The following HIPK2 variants were observed in gnomAD, a reference collection of about 807,000 sequenced individuals.
HIPK2 encodes the protein homeodomain-interacting protein kinase 2.
HIPK2 carries 27 observed loss-of-function variants against 113.7 expected under a neutral mutation model. That is an observed-to-expected ratio of 0.24 (90% CI 0.17 to 0.33). The LOEUF (loss-of-function observed/expected upper bound fraction) is 0.33, where lower values mean the gene tolerates loss of function less well. HIPK2 is among the 10% of genes least tolerant of loss of function. The probability of loss-of-function intolerance (pLI) is 1.00; values close to 1 mark genes in which losing one functional copy is unlikely to be tolerated. For synonymous variants in HIPK2, 631 were observed against 642.2 expected, an observed-to-expected ratio of 0.98 and a Z score of 0.26; for missense variants, 1,257 against 1,588.0, an observed-to-expected ratio of 0.79 and a Z score of 3.54.
At chr7:139,763,672 C>T (rs906207328) in intron 1 of HIPK2, among the ~76,000 whole-genome samples, 1 of 152,184 alleles carries the variant, frequency 6.6e-6, no homozygotes, top group Non-Finnish European at 1.5e-5. Context: ...GATGGCTTCA[C>T]GATAAACAGT....
At position 139,674,396 on chromosome 7, in the gene HIPK2, C is replaced by G. The variant is rs561051924; in HGVS notation, c.1103+41536G>C. On this transcript the variant is annotated intron_variant, in intron 2 of 14. Transcript: ENST00000406875. ...GCCGTATGGTATTGATTAGGTAAAA[C>G]GGTGACTTAAAGGAGAGCTCGGTAG... Among the ~76,000 whole-genome samples, 17 of 152,270 alleles carry G rather than the reference C, an allele frequency of 1.1e-4. No individual in the cohort carries two copies. The South Asian group carries it at 3.3e-3, about 30-fold the overall frequency.
intron 1 of HIPK2, among the ~76,000 whole-genome samples, chr7:139,743,257 C>A (rs1796135541): frequency 6.6e-6 from 1 of 152,146 alleles, no homozygotes; most frequent in African/African-American, 2.4e-5. Flanking sequence ...GGCACAAAAG[C>A]AGAGGGGCAA....
chr7:139,624,017 A>G (rs1380920092), intron 6 of HIPK2, among the ~76,000 whole-genome samples: 2 of 143,082 alleles, frequency 1.4e-5, no homozygotes, highest in Non-Finnish European at 1.5e-5. Flanking sequence ...CCATCCACCA[A>G]CGGCTTCCTA....
chr7:139,744,489 A>C (rs1796158166), intron 1 of HIPK2, among the ~76,000 whole-genome samples: 1 of 152,236 alleles, frequency 6.6e-6, no homozygotes, highest in South Asian at 2.1e-4. Context: ...GGAATTGGAC[A>C]GTGGTGCCTG....
At chr7:139,700,896 A>T (rs1794688164) in intron 2 of HIPK2, among the ~76,000 whole-genome samples, 1 of 152,274 alleles carries the variant, frequency 6.6e-6, no homozygotes, top group Admixed American at 6.5e-5. Flanking sequence ...CTTGCAGAAT[A>T]AACTTTACGA....
At chr7:139,655,446 G>A (rs1157905943) in intron 2 of HIPK2, among the ~76,000 whole-genome samples, 2 of 152,242 alleles carry the variant, frequency 1.3e-5, no homozygotes, top group Non-Finnish European at 2.9e-5. Flanking sequence ...GCAGGTGGCT[G>A]TAGACAGAAG....
chr7:139,617,679 G>A (rs1423879923), intron 7 of HIPK2, among the ~76,000 whole-genome samples: 1 of 152,178 alleles, frequency 6.6e-6, no homozygotes, highest in Non-Finnish European at 1.5e-5. Flanking sequence ...AACGGGTTAT[G>A]AATTATTGAC....
Position 139,704,057 on chromosome 7 carries a change from C to CACA in HIPK2, c.1103+11872_1103+11874dup, listed in dbSNP as rs1473423795. 5.4e-4 allele frequency among the ~76,000 whole-genome samples: 5 copies of CACA among 9,288 alleles called. 1 individual carries two copies. The highest frequency in any genetic ancestry group is 7.3e-4 in the African/African-American group (5 of 6,872). The allele number at this position is 9,288 out of a possible 152,430, so 6.1% of individuals were successfully genotyped here. On this transcript the variant is annotated intron_variant, in intron 2 of 14. Transcript: ENST00000406875. ...ATATCCAACATACACACCCAACACA[C>CACA]ACACACCCAACACATGCACCCCCTC...
rs567307034 is a variant in HIPK2, at chr7:139,584,063, T to C, written c.2719A>G (p.Thr907Ala). 1.4e-5 allele frequency: 22 copies of C among 1,575,662 alleles called. No homozygotes were observed. In the African/African-American group the frequency reaches 1.6e-4, roughly 12 times the overall value. The part of the protein sequence containing the change: ...EEEQKHAPTS[T>A]VSKQRKNVIS... ...ACGTTTTTTCTTTGCTTGGAGACAGTGCTGAAAATGCAAAGGGAGAAGTCA... is the reference window on the plus strand; with the variant it reads ...ACGTTTTTTCTTTGCTTGGAGACAGCGCTGAAAATGCAAAGGGAGAAGTCA... Residue 907 changes from threonine to alanine, a missense_variant and splice_region_variant, in exon 13 of 15, where the codon ACT (threonine) becomes GCT (alanine). Physicochemically the swap from Thr to Ala is moderately conservative, Grantham distance 58 (BLOSUM62 0). Transcript: ENST00000406875.
chr7:139,621,041 G>C (rs1281442188), intron 6 of HIPK2, among the ~76,000 whole-genome samples: 1 of 152,150 alleles, frequency 6.6e-6, no homozygotes, highest in Non-Finnish European at 1.5e-5. Context: ...CCTAGGGGAC[G>C]GCCAAGGAAC....
chr7:139,697,404 T>A (rs1292323617), intron 2 of HIPK2, among the ~76,000 whole-genome samples: 1 of 152,178 alleles, frequency 6.6e-6, no homozygotes, highest in African/African-American at 2.4e-5. Context: ...TCTGCTTTTG[T>A]CAGGATTTAT....
rs1798056096 is a variant in HIPK2 at position 139,565,189 on chromosome 7, T to C, written c.*7738A>G. On this transcript the variant is annotated 3_prime_UTR_variant, in exon 15 of 15. Coordinates refer to ENST00000406875, the MANE Select transcript of HIPK2 (RefSeq NM_022740.5). ...GTCACAGTTTGTGTAAGATAATGTA[T>C]CTAAAACCTTCTAAAAAAAAAAAAA... 2 of 151,536 alleles carry C rather than the reference T, an allele frequency of 1.3e-5. No individual in the cohort carries two copies. Among genetic ancestry groups the C allele is most frequent in the African/African-American group, 4.9e-5 (2 of 41,188 alleles). The allele number at this position is 151,536 out of a possible 1,614,324, so 9.4% of individuals were successfully genotyped here. A position where few individuals can be genotyped will look rare whatever the true frequency, so the allele number is the denominator to read the frequency against.
chr7:139,765,336 T>C (rs1195348631), intron 1 of HIPK2, among the ~76,000 whole-genome samples: 1 of 152,210 alleles, frequency 6.6e-6, no homozygotes, highest in Non-Finnish European at 1.5e-5. Flanking sequence ...GGAATGTTTA[T>C]GCTGACAAGA....
Position 139,768,544 on chromosome 7 carries a change from GTTGTTA to G in HIPK2, c.19+9055_19+9060del, listed in dbSNP as rs1167845339. On this transcript the variant is annotated intron_variant, in intron 1 of 14. Transcript: ENST00000406875. ...CTTCTCTCCTGTGATTTTTGTTGTT[GTTGTTA>G]TTAAGTAGCTCATGGTGACAAGCTG... Among the ~76,000 whole-genome samples, 16 of 152,248 alleles carry G rather than the reference GTTGTTA, an allele frequency of 1.1e-4. No individual in the cohort carries two copies. The East Asian group carries it at 2.7e-3, about 26-fold the overall frequency.
In HIPK2 at chr7:139,717,003, T is replaced by C. The variant is rs771234997; in HGVS notation, c.32A>G (p.His11Arg). MAPVYEGMAS[H>R]VQVFSPHTLQ... ...GGTGTGAGGGGAGAAAACTTGCACA[T>C]GTGAGGCCATACCTACAAGGAAAGG... The change falls in exon 2 of 15, where the codon CAT (histidine) becomes CGT (arginine). Residue 11 changes from histidine (H) to arginine (R), a missense_variant. Coordinates refer to ENST00000406875, the MANE Select transcript of HIPK2 (RefSeq NM_022740.5). 17 of 1,609,258 alleles carry C rather than the reference T, an allele frequency of 1.1e-5. No individual in the cohort carries two copies. The highest frequency in any genetic ancestry group is 3.3e-4 in the Middle Eastern group (2 of 6,042).
At chr7:139,763,472 GCCCCC>G (rs547691856) in intron 1 of HIPK2, among the ~76,000 whole-genome samples, 1 of 100,792 alleles carries the variant, frequency 9.9e-6, no homozygotes, top group Non-Finnish European at 1.8e-5. Context: ...GCCGGAACAC[GCCCCC>G]CCCCCCACAC....
chr7:139,605,705 T>C (rs115198101), intron 9 of HIPK2, among the ~76,000 whole-genome samples: 1 of 152,314 alleles, frequency 6.6e-6, no homozygotes, highest in African/African-American at 2.4e-5. Flanking sequence ...TTTTTGATAC[T>C]GTTTGTTTGC....
chr7:139,587,275 AG>A (rs1798863445), intron 12 of HIPK2, among the ~76,000 whole-genome samples: 1 of 151,940 alleles, frequency 6.6e-6, no homozygotes, highest in Admixed American at 6.6e-5. Context: ...GGATCACCTG[AG>A]GTCACAAGTT....
intron 2 of HIPK2, among the ~76,000 whole-genome samples, chr7:139,632,684 C>A (rs1800658161): frequency 6.6e-6 from 1 of 152,156 alleles, no homozygotes; most frequent in Non-Finnish European, 1.5e-5. Context: ...CCAGGTACAT[C>A]TTCTTTTCTA....
Sources: gnomAD v4.1 joint callset for allele counts (sites outside exome capture counted in the v4.1 genomes callset) on GRCh38, gnomAD v4.1.1 for gene constraint, MANE v1.5 for transcripts, NCBI Gene and HGNC (gene_info 2026-07-23, HGNC 2026-07-21) for gene names.